UBE3D: variants seen among roughly 807,000 people sequenced by gnomAD.
UBE3D encodes the protein E3 ubiquitin-protein ligase E3D.
UBE3D carries 48 observed loss-of-function variants against 49.6 expected under a neutral mutation model. That is an observed-to-expected ratio of 0.97 (90% confidence interval 0.77 to 1.23). UBE3D has a LOEUF of 1.23. UBE3D is among the 50% of genes most tolerant of loss of function. The pLI is 0.00. For missense variants in UBE3D, 452 were observed against 468.4 expected, an observed-to-expected ratio of 0.96 and a Z score of 0.32; for synonymous variants, 189 against 174.2, an observed-to-expected ratio of 1.08 and a Z score of -0.67.
intron 9 of UBE3D, among the ~76,000 whole-genome samples, chr6:82,910,591 C>T (rs1772429330): frequency 6.6e-6 from 1 of 152,108 alleles, no homozygotes; most frequent in Admixed American, 6.5e-5. Flanking sequence ...ACCAAGGTGC[C>T]ACAGCCCTCA....
intron 8 of UBE3D, among the ~76,000 whole-genome samples, chr6:82,978,798 T>C (rs192770287): frequency 6.6e-6 from 1 of 152,348 alleles, no homozygotes; most frequent in African/African-American, 2.4e-5. Context: ...ATTAAGGTTC[T>C]GATACATTAC....
intron 9 of UBE3D, among the ~76,000 whole-genome samples, chr6:82,898,322 T>C (rs1001393197): frequency 6.6e-6 from 1 of 152,170 alleles, no homozygotes; most frequent in Non-Finnish European, 1.5e-5. Flanking sequence ...GCAATCCCAT[T>C]ACTGGGTATA....
the UBE3D span, among the ~76,000 whole-genome samples, chr6:82,886,186 C>A: frequency 6.6e-6 from 1 of 152,214 alleles, no homozygotes; most frequent in East Asian, 1.9e-4. Flanking sequence ...CCTTTGCTTA[C>A]GTAAGGCAGC....
Position 83,018,918 on chromosome 6 carries a change from A to G in UBE3D, c.1010+55T>C, listed in dbSNP as rs900265407. On this transcript the variant is annotated intron_variant, in intron 8 of 9. Coordinates refer to ENST00000369747, the MANE Select transcript of UBE3D (RefSeq NM_198920.3). ...AATTCATTAATTTCTTAACACCAAC[A>G]TGACAACAAAAGCTAAAACATAATG... is the stretch of plus-strand genomic sequence containing the variant. 3.8e-6 allele frequency: 6 copies of G among 1,595,972 alleles called. No individual in the cohort carries two copies. The South Asian group carries it at 5.7e-5, about 15-fold the overall frequency.
intron 9 of UBE3D, among the ~76,000 whole-genome samples, chr6:82,910,670 AT>A (rs199636523): frequency 3.3e-5 from 5 of 151,232 alleles, no homozygotes; most frequent in Non-Finnish European, 5.9e-5. Context: ...GTGATTTCCT[AT>A]TTTTTTTTCT....
At chr6:82,957,576 T>C in intron 8 of UBE3D, 126 bp from the exon 9 acceptor site, 1 of 1,148,688 alleles carries the variant, frequency 8.7e-7, no homozygotes, top group South Asian at 1.8e-5. Flanking sequence ...AAATAAACTA[T>C]ATTAAAAATT....
the UBE3D span, among the ~76,000 whole-genome samples, chr6:82,886,356 C>T: frequency 6.6e-6 from 1 of 152,112 alleles, no homozygotes; most frequent in Non-Finnish European, 1.5e-5. Flanking sequence ...ATATGCAATT[C>T]AGAACAAGGT....
intron 9 of UBE3D, among the ~76,000 whole-genome samples, chr6:82,921,933 T>G (rs1265711233): frequency 1.3e-5 from 2 of 152,108 alleles, no homozygotes; most frequent in Non-Finnish European, 2.9e-5. Context: ...ATAGCAAAAG[T>G]ATTCCTAGGC....
At position 83,039,097 on chromosome 6, in the gene UBE3D, A is replaced by C. The variant is rs541093083; in HGVS notation, c.598-612T>G. On this transcript the variant is annotated intron_variant, in intron 4 of 9. Coordinates refer to ENST00000369747, the MANE Select transcript of UBE3D (RefSeq NM_198920.3). ...TTCAAAAATCCAAATTCGCTATTTGAGATACAGATTAAAATAGCTAGCATT... is the reference window on the plus strand; with the variant it reads ...TTCAAAAATCCAAATTCGCTATTTGCGATACAGATTAAAATAGCTAGCATT... Among the ~76,000 whole-genome samples the C allele has an allele frequency of 7.2e-5, 11 of 152,360 alleles. No homozygotes were observed. The South Asian group carries it at 2.3e-3, about 32-fold the overall frequency.
chr6:82,922,314 A>C (rs568279745), intron 9 of UBE3D, among the ~76,000 whole-genome samples: 1 of 152,194 alleles, frequency 6.6e-6, no homozygotes, highest in Non-Finnish European at 1.5e-5. Context: ...TTTACAAATG[A>C]ATTTTATGAA....
intron 3 of UBE3D, chr6:83,049,745 T>C (rs760617846): frequency 1.3e-5 from 6 of 470,942 alleles, no homozygotes; most frequent in South Asian, 6.2e-5. Flanking sequence ...TCCAGAGACC[T>C]CCGGAGAGCC....
At chr6:82,882,795 C>A in the UBE3D span, among the ~76,000 whole-genome samples, 1 of 151,748 alleles carries the variant, frequency 6.6e-6, no homozygotes, top group Admixed American at 6.6e-5. Context: ...TTTTTTTTTA[C>A]AGCCACAAAG....
chr6:82,954,951 T>C (rs1776054947), intron 9 of UBE3D, among the ~76,000 whole-genome samples: 3 of 152,218 alleles, frequency 2.0e-5, no homozygotes, highest in Admixed American at 2.0e-4. Flanking sequence ...TCTCTGTATC[T>C]GTGAAACTGG....
intron 8 of UBE3D, among the ~76,000 whole-genome samples, chr6:82,966,261 G>A (rs1478973983): frequency 6.6e-6 from 1 of 152,156 alleles, no homozygotes; most frequent in South Asian, 2.1e-4. Context: ...AAGGAGGAAT[G>A]GGGAGTGATT....
chr6:82,948,729 T>A (rs1775579602), intron 9 of UBE3D, among the ~76,000 whole-genome samples: 1 of 152,026 alleles, frequency 6.6e-6, no homozygotes, highest in African/African-American at 2.4e-5. Context: ...TCACTCAGTG[T>A]GAGATATCAT....
chr6:83,054,806 A>G (rs4235817), intron 2 of UBE3D, among the ~76,000 whole-genome samples: 118,589 of 152,032 alleles, frequency 0.78, 46,409 homozygotes, highest in East Asian at 0.91. Context: ...GCCCATCACC[A>G]TGCCTGGCTA....
At chr6:82,915,662 A>G (rs1772865034) in intron 9 of UBE3D, among the ~76,000 whole-genome samples, 1 of 152,218 alleles carries the variant, frequency 6.6e-6, no homozygotes, top group African/African-American at 2.4e-5. Context: ...TCTTTGAATT[A>G]TAATTTTTAA....
chr6:83,028,529 G>A (rs145286872), intron 5 of UBE3D, among the ~76,000 whole-genome samples: 122 of 152,110 alleles, frequency 8.0e-4, no homozygotes, highest in African/African-American at 2.4e-3. Flanking sequence ...AACATTTAGC[G>A]TCTCCTATTT....
intron 9 of UBE3D, among the ~76,000 whole-genome samples, chr6:82,920,111 T>C (rs1289304905): frequency 6.6e-6 from 1 of 152,210 alleles, no homozygotes; most frequent in Non-Finnish European, 1.5e-5. Flanking sequence ...AAGTATCTAT[T>C]AACACTATAA....
Sources: allele counts gnomAD v4.1 joint callset (sites outside exome capture counted in the v4.1 genomes callset), GRCh38; gene constraint gnomAD v4.1.1; transcripts MANE v1.5; gene names NCBI Gene and HGNC (gene_info 2026-07-23, HGNC 2026-07-21).